TBX4: variants seen among roughly 807,000 people sequenced by gnomAD.
The protein encoded by TBX4 is T-box transcription factor 4, also known as T-box transcription factor TBX4.
Under a neutral mutation model 54.6 loss-of-function variants are expected in TBX4, and 13 were observed. That is an observed-to-expected ratio of 0.24 (90% CI 0.15 to 0.38). The LOEUF (loss-of-function observed/expected upper bound fraction) is 0.38. TBX4 is among the 10% of genes least tolerant of loss of function. TBX4 has a pLI of 1.00. For missense variants in TBX4, 631 were observed against 728.5 expected (o/e 0.87, Z 1.54); for synonymous variants, 314 against 306.7 (o/e 1.02, Z -0.25).
chr17:61,484,457 T>A lies in TBX4; in HGVS notation c.*941T>A, dbSNP rs2060688866. On this transcript the variant is annotated 3_prime_UTR_variant, in exon 9 of 9. Coordinates refer to ENST00000644296, the MANE Select transcript of TBX4 (RefSeq NM_001321120.2). This position sits in a 1 kb window ranked among gnomAD's most constrained non-coding sequence, Gnocchi z 4.1. ...CCCCAGGAGGCCACACTGGAGCTGA[T>A]GTCTGGCATCTCCAGGGCCTGTTCT... 1 of 152,138 alleles carries A rather than the reference T, an allele frequency of 6.6e-6. No homozygotes were observed. Among genetic ancestry groups the A allele is most frequent in the Non-Finnish European group, 1.5e-5 (1 of 68,012 alleles). 9.4% of individuals were successfully genotyped at this position (152,138 alleles called of 1,614,324 possible).
At chr17:61,458,876 A>G (rs1389793475) in intron 3 of TBX4, among the ~76,000 whole-genome samples, 7 of 152,220 alleles carry the variant, frequency 4.6e-5, no homozygotes, top group Admixed American at 2.0e-4. Flanking sequence ...AGACTATTCA[A>G]AGGAAACAAA....
intron 5 of TBX4, 70 bp downstream of exon 5, chr17:61,467,727 TG>T: frequency 6.3e-7 from 1 of 1,596,068 alleles, no homozygotes; most frequent in Non-Finnish European, 8.6e-7. Flanking sequence ...CAGGCCAGGA[TG>T]GGGATAGGGA....
chr17:61,477,389 TCCA>T (rs1458006146), intron 5 of TBX4, among the ~76,000 whole-genome samples: 2 of 152,206 alleles, frequency 1.3e-5, no homozygotes, highest in African/African-American at 4.8e-5. Flanking sequence ...CAGCCGCGCC[TCCA>T]GGGCGCTTTG....
chr17:61,458,322 G>C (rs140643003), intron 3 of TBX4, among the ~76,000 whole-genome samples: 1,608 of 149,172 alleles, frequency 0.011, 11 homozygotes, highest in Non-Finnish European at 0.018. Context: ...TGAGAGATTC[G>C]CTGGGGCTGG....
rs768224294 is a variant in TBX4 at position 61,483,042 on chromosome 17, C to G, written c.1167C>G (p.Pro389=). The G allele has an allele frequency of 6.2e-7, 1 of 1,614,132 alleles. No individual in the cohort carries two copies. Among genetic ancestry groups the G allele is most frequent in the Non-Finnish European group, 8.5e-7 (1 of 1,180,012 alleles). The change falls in exon 9 of 9, where the codon CCC becomes CCG. Residue 389 remains proline (P), a synonymous_variant. Transcript: ENST00000644296. This position sits in a 1 kb window ranked among gnomAD's most constrained non-coding sequence, Gnocchi z 6.6. ...CCTCCTACTGCAGTGAGGTGACCCC[C>G]AGAGAAGCATGTATGTACTCAGGTT... ...LSPSYCSEVT[P]REACMYSGSG...
chr17:61,478,863 A>G lies in TBX4; in HGVS notation c.702+84A>G. ...CACCAGGCAGAGAGGCAGAGTGTGA[A>G]GCCAGAGTCCCAGCAGGGCTTGGGC... On this transcript the variant is annotated intron_variant, in intron 6 of 8. Transcript: ENST00000644296. This position sits in a 1 kb window ranked among gnomAD's most constrained non-coding sequence, Gnocchi z 7.4. 2 of 1,608,612 alleles carry G rather than the reference A, an allele frequency of 1.2e-6. No homozygotes were observed. The highest frequency in any genetic ancestry group is 1.7e-6 in the Non-Finnish European group (2 of 1,175,446).
rs1007839510 is a variant in TBX4, at chr17:61,462,002, C to T, written c.282-3817C>T. Among the ~76,000 whole-genome samples the T allele has an allele frequency of 3.3e-5, 5 of 152,122 alleles. No individual in the cohort carries two copies. The highest frequency in any genetic ancestry group is 1.2e-4 in the African/African-American group (5 of 41,426). ...GAGTAAGCGCCTTGAATTTGGCCAC[C>T]GCTTTGGCCGGGGAGCTCCCGCGGC... is the stretch of plus-strand genomic sequence containing the variant. On this transcript the variant is annotated intron_variant, in intron 3 of 8. Coordinates refer to ENST00000644296, the MANE Select transcript of TBX4 (RefSeq NM_001321120.2). This position sits in a 1 kb window ranked among gnomAD's most constrained non-coding sequence, Gnocchi z 4.5.
chr17:61,466,712 C>T (rs1003304909), intron 4 of TBX4, among the ~76,000 whole-genome samples: 3 of 152,232 alleles, frequency 2.0e-5, no homozygotes, highest in Non-Finnish European at 4.4e-5. Context: ...TCTGTTTCTT[C>T]TCCCTCTCTG....
intron 1 of TBX4, among the ~76,000 whole-genome samples, chr17:61,456,008 A>G (rs1035223844): frequency 6.6e-6 from 1 of 152,070 alleles, no homozygotes; most frequent in Admixed American, 6.5e-5. Context: ...ACAGGTGTGG[A>G]GCTGCAGGAG....
In TBX4 at chr17:61,483,777, G is replaced by A. The variant is rs1182367360; in HGVS notation, c.*261G>A. The A allele has an allele frequency of 6.1e-6, 3 of 494,010 alleles. No individual in the cohort carries two copies. The highest frequency in any genetic ancestry group is 5.9e-5 in the African/African-American group (3 of 51,218). 30.6% of individuals were successfully genotyped at this position (494,010 alleles called of 1,614,324 possible). ...TTTGGCTGCAGGACCTGGGTCTATTGTTATCTGACATCTCTTGACATGCCC... is the reference window on the plus strand; with the variant it reads ...TTTGGCTGCAGGACCTGGGTCTATTATTATCTGACATCTCTTGACATGCCC... On this transcript the variant is annotated 3_prime_UTR_variant, in exon 9 of 9. Coordinates refer to ENST00000644296, the MANE Select transcript of TBX4 (RefSeq NM_001321120.2). The surrounding 1 kb of genome is among the most constrained non-coding windows in gnomAD (Gnocchi z 6.6).
At chr17:61,455,978 T>TCCTGAGGC (rs1393850234) in intron 1 of TBX4, among the ~76,000 whole-genome samples, 1 of 152,020 alleles carries the variant, frequency 6.6e-6, no homozygotes, top group Non-Finnish European at 1.5e-5. Flanking sequence ...GGGCCTGAGG[T>TCCTGAGGC]CCTGAGGCCC....
rs185393374 is a variant in TBX4 at position 61,479,085 on chromosome 17, C to T, written c.702+306C>T. ...CTGCCTTGTGGTTTGAGCATTGGGC[C>T]CTTTCATTCCACAATGTTCTTTCTC... On this transcript the variant is annotated intron_variant, in intron 6 of 8. Transcript: ENST00000644296. The surrounding 1 kb of genome is among the most constrained non-coding windows in gnomAD (Gnocchi z 6.1). Among the ~76,000 whole-genome samples the T allele has an allele frequency of 3.3e-5, 5 of 152,280 alleles. No homozygotes were observed. Among genetic ancestry groups the T allele is most frequent in the African/African-American group, 1.2e-4 (5 of 41,544 alleles).
rs1048310687 is a variant in TBX4 at position 61,484,415 on chromosome 17, G to A, written c.*899G>A. The A allele has an allele frequency of 2.0e-5, 3 of 152,056 alleles. No individual in the cohort carries two copies. Among genetic ancestry groups the A allele is most frequent in the Non-Finnish European group, 2.9e-5 (2 of 68,024 alleles). 9.4% of individuals were successfully genotyped at this position (152,056 alleles called of 1,614,324 possible). A position where few individuals can be genotyped will look rare whatever the true frequency, so the allele number is the denominator to read the frequency against. ...ATGATGATGGGCAATTATGAAACAC[G>A]CCTCAGCTGGCATCATCCCCAGGAG... On this transcript the variant is annotated 3_prime_UTR_variant, in exon 9 of 9. Transcript: ENST00000644296. This position sits in a 1 kb window ranked among gnomAD's most constrained non-coding sequence, Gnocchi z 4.1.
At chr17:61,469,350 G>A (rs571819128) in intron 5 of TBX4, among the ~76,000 whole-genome samples, 1 of 152,362 alleles carries the variant, frequency 6.6e-6, no homozygotes, top group East Asian at 1.9e-4. Context: ...CTGCATAGAA[G>A]TCAGGGCCAG....
intron 4 of TBX4, 68 bp downstream of exon 4, chr17:61,466,006 T>C: frequency 6.9e-6 from 11 of 1,605,426 alleles, no homozygotes; most frequent in Non-Finnish European, 9.4e-6. Context: ...CCACCTAGTG[T>C]TTTGTCCGGG....
rs2060533459 is a variant in TBX4, at chr17:61,465,926, G to A, written c.389G>A (p.Cys130Tyr). 1 of 1,613,938 alleles carries A rather than the reference G, an allele frequency of 6.2e-7. No homozygotes were observed. Among genetic ancestry groups the A allele is most frequent in the Non-Finnish European group, 8.5e-7 (1 of 1,179,966 alleles). Residue 130 changes from cysteine to tyrosine, a missense_variant, in exon 4 of 9, where the codon TGT becomes TAT. Coordinates refer to ENST00000644296, the MANE Select transcript of TBX4 (RefSeq NM_001321120.2). This position sits in a 1 kb window ranked among gnomAD's most constrained non-coding sequence, Gnocchi z 4.9. ...GCCGATGACCATCGCTACAAGTTCT[G>A]TGACAACAAATGGTAAGTGGACCCT... ...VPADDHRYKF[C>Y]DNKWMVAGKA...
rs1322424999 is a variant in TBX4, at chr17:61,462,260, A to G, written c.282-3559A>G. Among the ~76,000 whole-genome samples, 1 of 152,110 alleles carries G rather than the reference A, an allele frequency of 6.6e-6. No individual in the cohort carries two copies. Among genetic ancestry groups the G allele is most frequent in the Non-Finnish European group, 1.5e-5 (1 of 68,024 alleles). On this transcript the variant is annotated intron_variant, in intron 3 of 8. Coordinates refer to ENST00000644296, the MANE Select transcript of TBX4 (RefSeq NM_001321120.2). This position sits in a 1 kb window ranked among gnomAD's most constrained non-coding sequence, Gnocchi z 4.5. ...TCAGAGCCTGTTTCATGATCAGAGGAGAAGCCCCGGGCTTTCATCTCCTCC... is the reference window on the plus strand; with the variant it reads ...TCAGAGCCTGTTTCATGATCAGAGGGGAAGCCCCGGGCTTTCATCTCCTCC...
rs1292551404 is a variant in TBX4, at chr17:61,480,480, G to A, written c.1021+161G>A. ...GAAGGGTTAGGGATCACAGCTGGGCGCAGGGCCATCTTTTCCAGTGCAGGG... is the reference window on the plus strand; with the variant it reads ...GAAGGGTTAGGGATCACAGCTGGGCACAGGGCCATCTTTTCCAGTGCAGGG... On this transcript the variant is annotated intron_variant, in intron 8 of 8. Coordinates refer to ENST00000644296, the MANE Select transcript of TBX4 (RefSeq NM_001321120.2). This position sits in a 1 kb window ranked among gnomAD's most constrained non-coding sequence, Gnocchi z 6.2. Among the ~76,000 whole-genome samples the A allele has an allele frequency of 1.3e-5, 2 of 152,120 alleles. No individual in the cohort carries two copies. The highest frequency in any genetic ancestry group is 1.9e-4 in the East Asian group (1 of 5,178).
In TBX4 at chr17:61,461,746, C is replaced by A. The variant is rs751750607; in HGVS notation, c.282-4073C>A. On this transcript the variant is annotated intron_variant, in intron 3 of 8. Coordinates refer to ENST00000644296, the MANE Select transcript of TBX4 (RefSeq NM_001321120.2). This position sits in a 1 kb window ranked among gnomAD's most constrained non-coding sequence, Gnocchi z 5.1. ...ACCGCCCCAGAATCCTTCTTGTGTGCCTGCCCAGTCAGAGCCATCCCCACC... is the reference window on the plus strand; with the variant it reads ...ACCGCCCCAGAATCCTTCTTGTGTGACTGCCCAGTCAGAGCCATCCCCACC... 2.0e-5 allele frequency among the ~76,000 whole-genome samples: 3 copies of A among 152,144 alleles called. No homozygotes were observed. Among genetic ancestry groups the A allele is most frequent in the Non-Finnish European group, 2.9e-5 (2 of 68,014 alleles).
Sources: gnomAD v4.1 joint callset for allele counts (sites outside exome capture counted in the v4.1 genomes callset) on GRCh38, gnomAD v4.1.1 for gene constraint, Gnocchi (gnomAD v3.1) non-coding constraint, MANE v1.5 for transcripts, NCBI Gene and HGNC (gene_info 2026-07-23, HGNC 2026-07-21) for gene names.